The following MGAT4C variants were observed in gnomAD, a reference collection of about 807,000 sequenced individuals.
The protein encoded by MGAT4C is MGAT4 family member C.
Under a neutral mutation model 40.1 loss-of-function variants are expected in MGAT4C, and 19 were observed. The ratio of observed to expected loss-of-function variants is 0.47; its 90% CI spans 0.33 to 0.70. The LOEUF (loss-of-function observed/expected upper bound fraction) is 0.70. Ranked by LOEUF, MGAT4C falls within the 30% of genes least tolerant of loss-of-function variation. The pLI is 0.02. For synonymous variants in MGAT4C, 181 were observed against 187.1 expected, an observed-to-expected ratio of 0.97 and a Z score of 0.27; for missense variants, 491 against 563.2, an observed-to-expected ratio of 0.87 and a Z score of 1.30.
intron 1 of MGAT4C, among the ~76,000 whole-genome samples, chr12:86,135,721 T>C (rs920203628): frequency 6.6e-6 from 1 of 152,202 alleles, no homozygotes; most frequent in Non-Finnish European, 1.5e-5. Flanking sequence ...AATCTGTCCC[T>C]TAGAGAATGT....
chr12:86,767,395 C>A (rs1951532484), intron 1 of MGAT4C, among the ~76,000 whole-genome samples: 1 of 152,116 alleles, frequency 6.6e-6, no homozygotes, highest in Admixed American at 6.6e-5. Context: ...CAAAAAGAGT[C>A]CAGGACCAGA....
intron 3 of MGAT4C, among the ~76,000 whole-genome samples, chr12:86,359,407 A>T (rs1254596061): frequency 3.9e-5 from 6 of 152,200 alleles, no homozygotes; most frequent in African/African-American, 1.2e-4. Context: ...TAACATCACA[A>T]TTAAAAGAAC....
intron 1 of MGAT4C, among the ~76,000 whole-genome samples, chr12:86,214,719 C>T (rs1459444991): frequency 6.6e-6 from 1 of 152,182 alleles, no homozygotes; most frequent in African/African-American, 2.4e-5. Flanking sequence ...TCCTAAAGAG[C>T]ACACCTCCAA....
At chr12:86,564,844 G>A (rs1444817770) in intron 2 of MGAT4C, among the ~76,000 whole-genome samples, 1 of 152,140 alleles carries the variant, frequency 6.6e-6, no homozygotes, top group East Asian at 1.9e-4. Context: ...AGAAGGCTCT[G>A]CAACAGGTCC....
intron 2 of MGAT4C, among the ~76,000 whole-genome samples, chr12:86,503,726 G>T (rs1259103914): frequency 1.4e-5 from 1 of 72,306 alleles, no homozygotes; most frequent in Non-Finnish European, 2.5e-5. Context: ...ATATATATAT[G>T]AGTTCTGCTC....
At chr12:86,070,237 T>C (rs1894953327) in intron 1 of MGAT4C, among the ~76,000 whole-genome samples, 1 of 152,112 alleles carries the variant, frequency 6.6e-6, no homozygotes, top group Non-Finnish European at 1.5e-5. Flanking sequence ...ACAGGCATTC[T>C]AATATACCTG....
intron 1 of MGAT4C, among the ~76,000 whole-genome samples, chr12:86,810,291 G>A (rs1051343958): frequency 6.6e-6 from 1 of 151,784 alleles, no homozygotes; most frequent in African/African-American, 2.4e-5. Flanking sequence ...TACAAATGGT[G>A]AGTTTTGTCT....
At chr12:85,999,136 A>G (rs970268839) in intron 2 of MGAT4C, among the ~76,000 whole-genome samples, 2 of 152,140 alleles carry the variant, frequency 1.3e-5, no homozygotes, top group Non-Finnish European at 2.9e-5. Context: ...TTATAAAACC[A>G]TCAGATCTCA....
At chr12:86,454,923 T>C (rs1957486656) in intron 2 of MGAT4C, among the ~76,000 whole-genome samples, 2 of 152,154 alleles carry the variant, frequency 1.3e-5, no homozygotes, top group South Asian at 4.1e-4. Flanking sequence ...ATTCCCTCTT[T>C]TCTCCTAATA....
At chr12:86,632,606 A>T (rs971552562) in intron 2 of MGAT4C, among the ~76,000 whole-genome samples, 1 of 152,120 alleles carries the variant, frequency 6.6e-6, no homozygotes, top group African/African-American at 2.4e-5. Context: ...TGCCCTTTGT[A>T]GGGACATGGA....
At chr12:86,684,028 A>C (rs994382763) in intron 2 of MGAT4C, among the ~76,000 whole-genome samples, 1 of 151,852 alleles carries the variant, frequency 6.6e-6, no homozygotes, top group Non-Finnish European at 1.5e-5. Context: ...CAATTTCCTA[A>C]TTTCTTTCTA....
Position 85,998,608 on chromosome 12 carries a change from T to G in MGAT4C, c.-6-9056A>C, listed in dbSNP as rs1288089626. ...CATCTTTCTCAAGTTCAAAGTTCCA[T>G]AAATCTCTAAGGCAGGGATAAAATG... On this transcript the variant is annotated intron_variant, in intron 2 of 4. Coordinates refer to ENST00000611864, the MANE Select transcript of MGAT4C (RefSeq NM_001351288.2). 2.6e-5 allele frequency among the ~76,000 whole-genome samples: 4 copies of G among 152,266 alleles called. No individual in the cohort carries two copies. In the South Asian group the frequency reaches 8.3e-4, roughly 32 times the overall value.
intron 1 of MGAT4C, among the ~76,000 whole-genome samples, chr12:86,755,505 G>C (rs1951287809): frequency 6.6e-6 from 1 of 151,894 alleles, no homozygotes; most frequent in African/African-American, 2.4e-5. Context: ...TCTCACCCCA[G>C]TGCTAATAAG....
rs1252251038 is a variant in MGAT4C at position 85,977,885 on chromosome 12, C to A, written c.*1404G>T. ...GAGTTTCTTAAACATATATGAAGCA[C>A]CTTCCATTTCCCTTTATAATAAATC... On this transcript the variant is annotated 3_prime_UTR_variant, in exon 5 of 5. Transcript: ENST00000611864. 1 of 150,470 alleles carries A rather than the reference C, an allele frequency of 6.6e-6. No homozygotes were observed. Among genetic ancestry groups the A allele is most frequent in the East Asian group, 2.0e-4 (1 of 5,116 alleles). 9.3% of individuals were successfully genotyped at this position (150,470 alleles called of 1,614,324 possible). A position where few individuals can be genotyped will look rare whatever the true frequency, so the allele number is the denominator to read the frequency against.
chr12:86,516,190 C>T (rs1479927254), intron 2 of MGAT4C, among the ~76,000 whole-genome samples: 1 of 152,040 alleles, frequency 6.6e-6, no homozygotes, highest in African/African-American at 2.4e-5. Flanking sequence ...ATTCATACTA[C>T]ATGATTTAAA....
chr12:86,218,210 T>C (rs1305181040), intron 1 of MGAT4C, among the ~76,000 whole-genome samples: 16 of 152,152 alleles, frequency 1.1e-4, no homozygotes, highest in South Asian at 2.1e-4. Flanking sequence ...TAAATCCTAA[T>C]AGAAGAGCTA....
intron 2 of MGAT4C, among the ~76,000 whole-genome samples, chr12:86,040,205 G>A (rs766112886): frequency 2.6e-5 from 4 of 152,224 alleles, no homozygotes; most frequent in Non-Finnish European, 2.9e-5. Flanking sequence ...AGGATTCACA[G>A]GGGTCAGGGA....
chr12:86,381,247 A>G (rs1156727417), intron 3 of MGAT4C, among the ~76,000 whole-genome samples: 1 of 152,216 alleles, frequency 6.6e-6, no homozygotes, highest in African/African-American at 2.4e-5. Flanking sequence ...TTACTGCAGT[A>G]TATGCAGTCA....
At chr12:86,562,183 C>A (rs141900176) in intron 2 of MGAT4C, among the ~76,000 whole-genome samples, 1 of 152,108 alleles carries the variant, frequency 6.6e-6, no homozygotes, top group Admixed American at 6.5e-5. Context: ...ACACTCTGAG[C>A]CTCAAATCTT....
Sources: gnomAD v4.1 joint callset for allele counts (sites outside exome capture counted in the v4.1 genomes callset) on GRCh38, gnomAD v4.1.1 for gene constraint, MANE v1.5 for transcripts, NCBI Gene and HGNC (gene_info 2026-07-23, HGNC 2026-07-21) for gene names.